PSD3: variants seen among roughly 807,000 people sequenced by gnomAD.
PSD3 encodes the protein PH and SEC7 domain-containing protein 3.
A neutral mutation model predicts 105.5 loss-of-function variants in PSD3; 49 were observed. That is an observed-to-expected ratio of 0.46 (90% CI 0.37 to 0.59). The LOEUF (loss-of-function observed/expected upper bound fraction) is 0.59, where lower values mean the gene tolerates loss of function less well. Among genes scored for constraint, PSD3 ranks in the 20% least tolerant of loss-of-function variants. PSD3 has a pLI of 0.00. For missense variants in PSD3, 1,561 were observed against 1,263.8 expected, an observed-to-expected ratio of 1.24 and a Z score of -3.57; for synonymous variants, 557 against 457.8, an observed-to-expected ratio of 1.22 and a Z score of -2.77.
At chr8:18,964,633 C>A (rs571367388) in intron 1 of PSD3, among the ~76,000 whole-genome samples, 18 of 152,058 alleles carry the variant, frequency 1.2e-4, no homozygotes, top group Non-Finnish European at 2.1e-4. Context: ...TATGGAGAGG[C>A]CTTCCTTGAT....
At chr8:18,985,905 T>C (rs1825475773) in intron 1 of PSD3, among the ~76,000 whole-genome samples, 1 of 152,100 alleles carries the variant, frequency 6.6e-6, no homozygotes, top group South Asian at 2.1e-4. Flanking sequence ...AATAGTATTA[T>C]ATTATAATTA....
At chr8:18,574,753 G>A (rs1264070907) in intron 13 of PSD3, among the ~76,000 whole-genome samples, 1 of 152,178 alleles carries the variant, frequency 6.6e-6, no homozygotes, top group Non-Finnish European at 1.5e-5. Flanking sequence ...GACGAGCTGA[G>A]GTTCAGAGGT....
chr8:19,059,239 A>G (rs1828810474), intron 1 of PSD3, among the ~76,000 whole-genome samples: 1 of 152,240 alleles, frequency 6.6e-6, no homozygotes. Context: ...AAACCAGGAA[A>G]TGGTGCCACA....
intron 1 of PSD3, among the ~76,000 whole-genome samples, chr8:18,996,453 T>G (rs1010755707): frequency 6.6e-6 from 1 of 151,914 alleles, no homozygotes; most frequent in Non-Finnish European, 1.5e-5. Flanking sequence ...AGAAACAGTT[T>G]TGATTTTTGA....
intron 1 of PSD3, among the ~76,000 whole-genome samples, chr8:19,078,671 C>T (rs772714948): frequency 1.6e-4 from 25 of 151,862 alleles, no homozygotes; most frequent in Non-Finnish European, 3.2e-4. Context: ...ACCTCTGTGC[C>T]CACCATAGTA....
intron 3 of PSD3, among the ~76,000 whole-genome samples, chr8:18,870,554 T>C (rs977293197): frequency 6.6e-6 from 1 of 151,832 alleles, no homozygotes; most frequent in African/African-American, 2.4e-5. Context: ...AAGGGAGGGA[T>C]GGCATTAGGA....
rs747670332 is a variant in PSD3 at position 18,872,128 on chromosome 8, G to C, written c.736C>G (p.Pro246Ala). 1.9e-6 allele frequency: 3 copies of C among 1,613,974 alleles called. No individual in the cohort carries two copies. The highest frequency in any genetic ancestry group is 4.5e-5 in the East Asian group (2 of 44,886). The change falls in exon 3 of 16, where the codon CCA (proline) becomes GCA (alanine). Residue 246 changes from proline (P) to alanine (A), a missense_variant. By Grantham distance (27) the Pro-to-Ala change is conservative. Coordinates refer to ENST00000327040, the MANE Select transcript of PSD3 (RefSeq NM_015310.4). Reference protein sequence around the residue: ...GRKGAVCVQEPSCPLASLGSS... With the variant: ...GRKGAVCVQEASCPLASLGSS... ...CCGAGGGAGGCCAAAGGACAAGATG[G>C]CTCCTGCACACAGACAGCCCCTTTC...
intron 9 of PSD3, among the ~76,000 whole-genome samples, chr8:18,692,036 T>C (rs1261250044): frequency 6.6e-6 from 1 of 152,252 alleles, no homozygotes; most frequent in African/African-American, 2.4e-5. Flanking sequence ...TATGAATTTC[T>C]ATCAGTCCTT....
intron 1 of PSD3, among the ~76,000 whole-genome samples, chr8:18,991,128 T>C (rs1017413860): frequency 6.6e-6 from 1 of 152,130 alleles, no homozygotes; most frequent in Non-Finnish European, 1.5e-5. Context: ...CAGTTTTACA[T>C]AGGGTCTCTC....
intron 11 of PSD3, among the ~76,000 whole-genome samples, chr8:18,628,397 T>A (rs1806648703): frequency 6.6e-6 from 1 of 151,926 alleles, no homozygotes; most frequent in South Asian, 2.1e-4. Context: ...AGACTTTTTT[T>A]GTCTGAAATC....
chr8:18,550,858 C>T (rs1289410166), intron 15 of PSD3, among the ~76,000 whole-genome samples: 1 of 152,136 alleles, frequency 6.6e-6, no homozygotes, highest in African/African-American at 2.4e-5. Flanking sequence ...GTTCCAGATC[C>T]AGATGTATAA....
intron 1 of PSD3, among the ~76,000 whole-genome samples, chr8:19,028,118 T>C (rs1448283091): frequency 6.6e-6 from 1 of 152,178 alleles, no homozygotes; most frequent in Non-Finnish European, 1.5e-5. Context: ...ATTGTCAACT[T>C]TTAAAAAAAC....
At chr8:18,561,661 C>T (rs969991596) in intron 14 of PSD3, among the ~76,000 whole-genome samples, 1 of 152,096 alleles carries the variant, frequency 6.6e-6, no homozygotes, top group East Asian at 1.9e-4. Context: ...CCTGGAAATA[C>T]ATATAATTAT....
In PSD3 at chr8:18,992,405, G is replaced by C. The variant is rs546245163; in HGVS notation, c.21+21158C>G. Among the ~76,000 whole-genome samples the C allele has an allele frequency of 3.3e-5, 5 of 152,286 alleles. No homozygotes were observed. In the South Asian group the frequency reaches 1.0e-3, roughly 32 times the overall value. On this transcript the variant is annotated intron_variant, in intron 1 of 15. Transcript: ENST00000327040. ...AATGACCCTACAGTTGTGCTTGGAAGTGTCTGGCACACACCTCAATAAATA... is the reference window on the plus strand; with the variant it reads ...AATGACCCTACAGTTGTGCTTGGAACTGTCTGGCACACACCTCAATAAATA...
At chr8:18,778,441 G>A (rs950074089) in intron 8 of PSD3, among the ~76,000 whole-genome samples, 5 of 152,024 alleles carry the variant, frequency 3.3e-5, no homozygotes, top group African/African-American at 4.8e-5. Context: ...CTTTTCAAAC[G>A]TGGATGCATT....
intron 11 of PSD3, among the ~76,000 whole-genome samples, chr8:18,623,866 T>C (rs562538506): frequency 1.3e-5 from 2 of 152,262 alleles, no homozygotes; most frequent in East Asian, 1.9e-4. Flanking sequence ...TTACTAAAAA[T>C]AGTATTGTTT....
chr8:19,083,319 G>A (rs1006970216), intron 1 of PSD3, among the ~76,000 whole-genome samples: 3 of 152,210 alleles, frequency 2.0e-5, no homozygotes, highest in African/African-American at 7.2e-5. Flanking sequence ...GCTGGGTGGA[G>A]AGGGTGGGCT....
intron 4 of PSD3, among the ~76,000 whole-genome samples, chr8:18,822,071 G>C (rs1812789410): frequency 6.6e-6 from 1 of 152,064 alleles, no homozygotes; most frequent in African/African-American, 2.4e-5. Flanking sequence ...AATTTTCTTT[G>C]TTTCACCACC....
intron 9 of PSD3, among the ~76,000 whole-genome samples, chr8:18,713,773 A>G (rs937295273): frequency 2.6e-5 from 4 of 152,234 alleles, no homozygotes; most frequent in Non-Finnish European, 4.4e-5. Flanking sequence ...AGAATTAGAA[A>G]ACATCATTTT....
Sources: gnomAD v4.1 joint callset for allele counts (sites outside exome capture counted in the v4.1 genomes callset) on GRCh38, gnomAD v4.1.1 for gene constraint, MANE v1.5 for transcripts, NCBI Gene and HGNC (gene_info 2026-07-23, HGNC 2026-07-21) for gene names.